Variants in ZFPM2 observed in about 807,000 individuals in gnomAD.
ZFPM2 encodes zinc finger protein, FOG family member 2, also known as zinc finger protein ZFPM2.
Under a neutral mutation model 98.6 loss-of-function variants are expected in ZFPM2, and 20 were observed. That is an observed-to-expected ratio of 0.20 (90% CI 0.14 to 0.29). ZFPM2 has a LOEUF of 0.29. Ranked by LOEUF, ZFPM2 falls within the 10% of genes least tolerant of loss-of-function variation. The pLI is 1.00. For missense variants in ZFPM2, 1,310 were observed against 1,388.6 expected, an observed-to-expected ratio of 0.94 and a Z score of 0.90; for synonymous variants, 518 against 502.7, an observed-to-expected ratio of 1.03 and a Z score of -0.41.
rs576470453 is a variant in ZFPM2 at position 105,764,429 on chromosome 8, C to T, written c.533-24289C>T. Among the ~76,000 whole-genome samples, 6 of 151,692 alleles carry T rather than the reference C, an allele frequency of 4.0e-5. No individual in the cohort carries two copies. The South Asian group carries it at 1.3e-3, about 32-fold the overall frequency. ...TTTATAGAAAATTTTCTTCTATTTT[C>T]AGTAGAATGTTAATAGATATTTTCT... On this transcript the variant is annotated intron_variant, in intron 5 of 7. Coordinates refer to ENST00000407775, the MANE Select transcript of ZFPM2 (RefSeq NM_012082.4).
intron 5 of ZFPM2, among the ~76,000 whole-genome samples, chr8:105,715,466 A>G (rs1240368030): frequency 6.6e-6 from 1 of 151,606 alleles, no homozygotes; most frequent in Non-Finnish European, 1.5e-5. Context: ...TTCCATGAGA[A>G]TTAATATACT....
intron 5 of ZFPM2, among the ~76,000 whole-genome samples, chr8:105,776,694 G>C (rs1813113994): frequency 6.6e-6 from 1 of 152,080 alleles, no homozygotes. Context: ...ATATACCGTA[G>C]CTCCTAAACT....
chr8:105,512,804 G>A (rs1396833245), intron 3 of ZFPM2, among the ~76,000 whole-genome samples: 3 of 152,192 alleles, frequency 2.0e-5, no homozygotes, highest in Non-Finnish European at 4.4e-5. Flanking sequence ...TTTACCTTTG[G>A]AATTTGAATA....
intron 1 of ZFPM2, among the ~76,000 whole-genome samples, chr8:105,353,439 T>TTTG (rs747041243): frequency 2.6e-5 from 4 of 152,286 alleles, no homozygotes; most frequent in East Asian, 1.9e-4. Flanking sequence ...GGCAAGGATT[T>TTTG]TTGTTGTTGT....
intron 4 of ZFPM2, among the ~76,000 whole-genome samples, chr8:105,570,048 A>C (rs1459592780): frequency 6.6e-6 from 1 of 152,082 alleles, no homozygotes; most frequent in Non-Finnish European, 1.5e-5. Flanking sequence ...TAACCTTTTT[A>C]ATTGTACCCT....
chr8:105,561,008 CA>C (rs915179085), intron 3 of ZFPM2, among the ~76,000 whole-genome samples: 2 of 152,072 alleles, frequency 1.3e-5, no homozygotes, highest in Admixed American at 1.3e-4. Flanking sequence ...AGAATTTTAG[CA>C]CAAAATGATT....
At chr8:105,332,607 A>G (rs1812253367) in intron 1 of ZFPM2, among the ~76,000 whole-genome samples, 1 of 151,686 alleles carries the variant, frequency 6.6e-6, no homozygotes, top group Non-Finnish European at 1.5e-5. Flanking sequence ...GCAAATACAG[A>G]CCATGGTCTC....
At chr8:105,490,685 GA>G (rs1813339574) in intron 3 of ZFPM2, among the ~76,000 whole-genome samples, 1 of 151,798 alleles carries the variant, frequency 6.6e-6, no homozygotes, top group Admixed American at 6.6e-5. Context: ...TTGAAGGCGG[GA>G]ATACTTTCTT....
intron 3 of ZFPM2, among the ~76,000 whole-genome samples, chr8:105,521,307 A>G (rs2130547939): frequency 6.7e-6 from 1 of 149,848 alleles, no homozygotes; most frequent in East Asian, 2.0e-4. Flanking sequence ...AAAGCAGAAA[A>G]CCAATAATAT....
chr8:105,540,106 T>C (rs1346100726), intron 3 of ZFPM2, among the ~76,000 whole-genome samples: 1 of 152,162 alleles, frequency 6.6e-6, no homozygotes, highest in African/African-American at 2.4e-5. Context: ...CCCATCTCTG[T>C]CTCTCTCTGT....
chr8:105,359,015 T>C (rs1477861832), intron 1 of ZFPM2, among the ~76,000 whole-genome samples: 1 of 152,144 alleles, frequency 6.6e-6, no homozygotes, highest in Admixed American at 6.5e-5. Context: ...ACAAACTCAC[T>C]GATATGGTTA....
chr8:105,679,738 A>G (rs1371274643), intron 5 of ZFPM2, among the ~76,000 whole-genome samples: 19 of 151,544 alleles, frequency 1.3e-4, no homozygotes, highest in Admixed American at 9.9e-4. Context: ...TCGAGGCTAC[A>G]GTGAGCTATA....
At chr8:105,609,023 A>G (rs570040045) in intron 4 of ZFPM2, among the ~76,000 whole-genome samples, 5 of 152,270 alleles carry the variant, frequency 3.3e-5, no homozygotes, top group African/African-American at 1.2e-4. Flanking sequence ...ATGTAGACAA[A>G]TGAAATAGAA....
At chr8:105,538,022 A>G (rs1901061) in intron 3 of ZFPM2, among the ~76,000 whole-genome samples, 105,882 of 152,062 alleles carry the variant, frequency 0.7, 38,351 homozygotes, top group African/African-American at 0.92. Flanking sequence ...CAGGCTCCAT[A>G]TTGACAACAA....
rs768713681 is a variant in ZFPM2, at chr8:105,643,179, T to TA, written c.532+8823dup. 1.6e-4 allele frequency among the ~76,000 whole-genome samples: 25 copies of TA among 152,162 alleles called. 1 individual carries two copies. Among genetic ancestry groups the TA allele is most frequent in the Admixed American group, 2.0e-4 (3 of 15,268 alleles). ...TCCATCCATTAACAAAACCAGGACT[T>TA]ACGTGTCATGAAAATAATGGTGTTA... On this transcript the variant is annotated intron_variant, in intron 5 of 7. Transcript: ENST00000407775.
intron 5 of ZFPM2, among the ~76,000 whole-genome samples, chr8:105,655,765 G>A (rs905308151): frequency 1.3e-5 from 2 of 152,104 alleles, no homozygotes; most frequent in Admixed American, 6.5e-5. Flanking sequence ...TACAAACAAA[G>A]CACTGTTCTG....
intron 3 of ZFPM2, among the ~76,000 whole-genome samples, chr8:105,545,896 A>G (rs914114583): frequency 2.0e-5 from 3 of 152,182 alleles, no homozygotes; most frequent in Admixed American, 6.5e-5. Context: ...CTGGAACTCT[A>G]TAATATCAGG....
chr8:105,572,346 A>C (rs2130723548), intron 4 of ZFPM2, among the ~76,000 whole-genome samples: 1 of 151,814 alleles, frequency 6.6e-6, no homozygotes, highest in South Asian at 2.1e-4. Context: ...TCTTGCATAA[A>C]TTTCTAATAA....
chr8:105,531,816 A>T (rs989731169), intron 3 of ZFPM2, among the ~76,000 whole-genome samples: 1 of 152,214 alleles, frequency 6.6e-6, no homozygotes, highest in Admixed American at 6.6e-5. Flanking sequence ...ATTAATAGTT[A>T]AACTAAAAAT....
Sources: gnomAD v4.1 joint callset for allele counts (sites outside exome capture counted in the v4.1 genomes callset) on GRCh38, gnomAD v4.1.1 for gene constraint, MANE v1.5 for transcripts, NCBI Gene and HGNC (gene_info 2026-07-23, HGNC 2026-07-21) for gene names.